Variants in ABL1 observed in about 807,000 individuals in gnomAD.
ABL1 encodes the protein ABL proto-oncogene 1, non-receptor tyrosine kinase.
In ABL1, 11 loss-of-function variants were observed where a neutral mutation model predicts 94.7. That is an observed-to-expected ratio of 0.12 (90% CI 0.07 to 0.19). ABL1 has a LOEUF of 0.19. Ranked by LOEUF, ABL1 falls within the 10% of genes least tolerant of loss-of-function variation. The pLI is 1.00. For missense variants in ABL1, 1,082 were observed against 1,489.4 expected (o/e 0.73, Z 4.50); for synonymous variants, 656 against 622.4 (o/e 1.05, Z -0.80).
At chr9:130,770,465 C>T (rs1000178477) in intron 1 of ABL1, among the ~76,000 whole-genome samples, 31 of 152,182 alleles carry the variant, frequency 2.0e-4, no homozygotes, top group African/African-American at 5.8e-4. Flanking sequence ...TATGACTGCA[C>T]CACTGCACTC....
At chr9:130,735,602 T>G (rs1831724693) in intron 1 of ABL1, among the ~76,000 whole-genome samples, 1 of 151,956 alleles carries the variant, frequency 6.6e-6, no homozygotes, top group Admixed American at 6.6e-5. Flanking sequence ...CCTTAATAGA[T>G]CCTCAGGATC....
intron 1 of ABL1, 137 bp from the exon 2 acceptor site, chr9:130,853,927 T>C (rs1830929705): frequency 1.2e-6 from 1 of 849,932 alleles, no homozygotes; most frequent in African/African-American, 1.7e-5. Flanking sequence ...GATAATAGTA[T>C]GTACAGATGT....
intron 4 of ABL1, among the ~76,000 whole-genome samples, chr9:130,866,134 A>G (rs1831152336): frequency 6.6e-6 from 1 of 152,176 alleles, no homozygotes; most frequent in Admixed American, 6.5e-5. Context: ...GTTAAGGGAC[A>G]TTCACCCTGT....
intron 1 of ABL1, chr9:130,724,783 T>C: frequency 2.1e-6 from 1 of 468,200 alleles, no homozygotes; most frequent in Non-Finnish European, 4.2e-6. Flanking sequence ...AAATAAATTC[T>C]TGAGATGAAC....
chr9:130,786,919 A>T (rs1352066645), intron 1 of ABL1, among the ~76,000 whole-genome samples: 1 of 147,148 alleles, frequency 6.8e-6, no homozygotes, highest in Non-Finnish European at 1.5e-5. Flanking sequence ...TAAAATAAGG[A>T]CTAAATCACG....
chr9:130,768,320 G>A lies in ABL1; in HGVS notation c.136+53865G>A, dbSNP rs200190788. On this transcript the variant is annotated intron_variant, in intron 1 of 10. Coordinates refer to the ABL1 transcript ENST00000372348. ...GCTAGGTCTGTAACTTGGGAGGCTTGGTGTGCACGGGCATTTAGCAGCAAC... is the reference window on the plus strand; with the variant it reads ...GCTAGGTCTGTAACTTGGGAGGCTTAGTGTGCACGGGCATTTAGCAGCAAC... Among the ~76,000 whole-genome samples, 5 of 152,296 alleles carry A rather than the reference G, an allele frequency of 3.3e-5. No homozygotes were observed. In the East Asian group the frequency reaches 5.8e-4, roughly 18 times the overall value.
At chr9:130,731,259 G>C (rs549640925) in intron 1 of ABL1, among the ~76,000 whole-genome samples, 1 of 152,060 alleles carries the variant, frequency 6.6e-6, no homozygotes, top group Admixed American at 6.6e-5. Context: ...CACCCACCTT[G>C]GCCTCCCAAA....
intron 1 of ABL1, among the ~76,000 whole-genome samples, chr9:130,843,211 G>T (rs1830704560): frequency 6.6e-6 from 1 of 152,218 alleles, no homozygotes; most frequent in African/African-American, 2.4e-5. Context: ...CACTGAGCAG[G>T]CACAGAAGGC....
chr9:130,868,064 A>G (rs1341742462), intron 4 of ABL1, among the ~76,000 whole-genome samples: 1 of 151,874 alleles, frequency 6.6e-6, no homozygotes, highest in African/African-American at 2.4e-5. Flanking sequence ...GGTTCAAGCA[A>G]TTCTCCTGCC....
intron 1 of ABL1, among the ~76,000 whole-genome samples, chr9:130,759,546 CAA>C (rs1303191109): frequency 6.6e-6 from 1 of 151,956 alleles, no homozygotes; most frequent in South Asian, 2.1e-4. Flanking sequence ...AAGTCATTAG[CAA>C]AAAAATGTAA....
At chr9:130,868,185 C>T (rs1271663303) in intron 4 of ABL1, among the ~76,000 whole-genome samples, 1 of 152,130 alleles carries the variant, frequency 6.6e-6, no homozygotes, top group Non-Finnish European at 1.5e-5. Flanking sequence ...GTCTCGATCT[C>T]CTGACTTCAT....
intron 1 of ABL1, among the ~76,000 whole-genome samples, chr9:130,817,573 C>T (rs955314986): frequency 1.3e-5 from 2 of 152,164 alleles, no homozygotes; most frequent in Non-Finnish European, 2.9e-5. Flanking sequence ...GTAGGGTGGA[C>T]GCGTCAGGTT....
At chr9:130,807,564 T>G (rs1830142591) in intron 1 of ABL1, among the ~76,000 whole-genome samples, 1 of 151,862 alleles carries the variant, frequency 6.6e-6, no homozygotes, top group Non-Finnish European at 1.5e-5. Context: ...TTAAAAACTG[T>G]ATTTACCCCC....
intron 10 of ABL1, among the ~76,000 whole-genome samples, chr9:130,881,198 G>A (rs1831446896): frequency 6.6e-6 from 1 of 152,166 alleles, no homozygotes; most frequent in Non-Finnish European, 1.5e-5. Flanking sequence ...CAAGACACTA[G>A]CAAAAATAAT....
intron 1 of ABL1, among the ~76,000 whole-genome samples, chr9:130,851,438 G>A (rs1180485924): frequency 1.3e-5 from 2 of 152,136 alleles, no homozygotes; most frequent in African/African-American, 2.4e-5. Flanking sequence ...GTACAGAAGC[G>A]AGACTTGAAG....
At chr9:130,829,286 C>T (rs1830463765) in intron 1 of ABL1, among the ~76,000 whole-genome samples, 1 of 152,182 alleles carries the variant, frequency 6.6e-6, no homozygotes, top group Non-Finnish European at 1.5e-5. Flanking sequence ...TGAGCCCGGG[C>T]ACGGTGGCTC....
At chr9:130,722,093 A>G (rs1831522738) in intron 1 of ABL1, among the ~76,000 whole-genome samples, 1 of 151,326 alleles carries the variant, frequency 6.6e-6, no homozygotes, top group African/African-American at 2.4e-5. Flanking sequence ...TCCGATTCTC[A>G]AAGAGGTTAT....
chr9:130,714,368 T>C (rs1368062708), exon 1 of ABL1: 1 of 1,613,754 alleles, frequency 6.2e-7, no homozygotes, highest in Non-Finnish European at 8.5e-7. Context: ...AAGGCCAAGC[T>C]TGCCTGCCCT....
chr9:130,884,681 C>T lies in ABL1; in HGVS notation c.2391C>T (p.Val797=), dbSNP rs763088688. 2.5e-6 allele frequency: 4 copies of T among 1,612,970 alleles called. No individual in the cohort carries two copies. The highest frequency in any genetic ancestry group is 4.5e-5 in the East Asian group (2 of 44,868). The stretch of plus-strand genomic sequence containing the variant: ...AGAATGAGGAAGCTGCTGATGAGGT[C>T]TTCAAAGACATCATGGAGTCCAGCC... The part of the protein sequence containing the change: ...VKKNEEAADE[V]FKDIMESSPG... The change falls in exon 11 of 11, where the codon GTC becomes GTT. Residue 797 remains valine, a synonymous_variant. Coordinates refer to ENST00000318560, the MANE Select transcript of ABL1 (RefSeq NM_005157.6). The surrounding 1 kb of genome is among the most constrained non-coding windows in gnomAD (Gnocchi z 5.6).
Sources: allele counts gnomAD v4.1 joint callset (sites outside exome capture counted in the v4.1 genomes callset), GRCh38; gene constraint gnomAD v4.1.1; non-coding constraint Gnocchi (gnomAD v3.1); transcripts MANE v1.5; gene names NCBI Gene and HGNC (gene_info 2026-07-23, HGNC 2026-07-21).